FBXL17: variants seen among roughly 807,000 people sequenced by gnomAD.
FBXL17 encodes F-box/LRR-repeat protein 17.
A neutral mutation model predicts 66.2 loss-of-function variants in FBXL17; 22 were observed. That is an observed-to-expected ratio of 0.33 (90% CI 0.24 to 0.47). The LOEUF (loss-of-function observed/expected upper bound fraction) is 0.47, where lower values mean the gene tolerates loss of function less well. Among genes scored for constraint, FBXL17 ranks in the 20% least tolerant of loss-of-function variants. The pLI is 1.00. For missense variants in FBXL17, 878 were observed against 948.2 expected (o/e 0.93, Z 0.97); for synonymous variants, 474 against 400.5 (o/e 1.18, Z -2.19).
At chr5:108,359,098 A>T (rs1006576608) in intron 3 of FBXL17, among the ~76,000 whole-genome samples, 2 of 152,102 alleles carry the variant, frequency 1.3e-5, no homozygotes, top group Non-Finnish European at 2.9e-5. Flanking sequence ...ATTTGTTGGT[A>T]TGCAGTTATT....
intron 7 of FBXL17, among the ~76,000 whole-genome samples, chr5:107,882,879 T>C (rs2112504232): frequency 6.6e-6 from 1 of 152,286 alleles, no homozygotes; most frequent in Non-Finnish European, 1.5e-5. Context: ...GTTGTTTCAT[T>C]GAGGTCTGAG....
chr5:108,119,465 A>G (rs1750389944), intron 6 of FBXL17, among the ~76,000 whole-genome samples: 2 of 152,192 alleles, frequency 1.3e-5, no homozygotes, highest in South Asian at 4.1e-4. Flanking sequence ...AGCCTTGCTC[A>G]GTTGGAAGCA....
chr5:107,900,966 G>C (rs1251948399), intron 7 of FBXL17, among the ~76,000 whole-genome samples: 1 of 152,086 alleles, frequency 6.6e-6, no homozygotes, highest in Non-Finnish European at 1.5e-5. Flanking sequence ...ACCACTGTCT[G>C]CTCATAATGG....
Position 108,364,759 on chromosome 5 carries a change from G to T in FBXL17, c.1353C>A (p.Leu451=), listed in dbSNP as rs1353748288. 4 of 1,611,714 alleles carry T rather than the reference G, an allele frequency of 2.5e-6. No homozygotes were observed. The Admixed American group carries it at 6.7e-5, about 27-fold the overall frequency. The change falls in exon 3 of 9, where the codon CTC becomes CTA. Residue 451 remains leucine (L), a synonymous_variant. Transcript: ENST00000542267. ...TTACCTGCTTGAGTCCTTCATCAGT[G>T]AGTTTGTCCTGGTTGCCTACATGCA... is the stretch of plus-strand genomic sequence containing the variant. ...QKVHVGNQDK[L]TDEGLKQLGS...
chr5:108,060,175 C>CAT (rs35969492), intron 6 of FBXL17, among the ~76,000 whole-genome samples: 1 of 135,202 alleles, frequency 7.4e-6, no homozygotes. Flanking sequence ...CATATGTGTA[C>CAT]ATATATATAT....
chr5:108,211,003 G>A (rs1754346249), intron 5 of FBXL17, among the ~76,000 whole-genome samples: 2 of 152,238 alleles, frequency 1.3e-5, no homozygotes, highest in South Asian at 4.1e-4. Context: ...CCTGTATTGG[G>A]TGCATATATA....
chr5:107,990,855 G>T (rs930698586), intron 7 of FBXL17, among the ~76,000 whole-genome samples: 1 of 152,048 alleles, frequency 6.6e-6, no homozygotes, highest in East Asian at 1.9e-4. Flanking sequence ...CATCTTCTCC[G>T]AGACTGGTAG....
intron 4 of FBXL17, among the ~76,000 whole-genome samples, chr5:108,316,313 T>C (rs1759360971): frequency 6.6e-6 from 1 of 151,470 alleles, no homozygotes; most frequent in Non-Finnish European, 1.5e-5. Flanking sequence ...ATGTGAACTA[T>C]AAACCATTTT....
chr5:108,381,820 G>T lies in FBXL17; in HGVS notation c.-129C>A. On this transcript the variant is annotated 5_prime_UTR_variant, in exon 1 of 9. Transcript: ENST00000542267. ...GGTCGCCCTTCCTGCGCACACACAC[G>T]CACACACGGGCACACACGCGACGGT... is the stretch of plus-strand genomic sequence containing the variant. 1 of 1,303,820 alleles carries T rather than the reference G, an allele frequency of 7.7e-7. No homozygotes were observed. The highest frequency in any genetic ancestry group is 9.7e-7 in the Non-Finnish European group (1 of 1,027,010). 80.8% of individuals were successfully genotyped at this position (1,303,820 alleles called of 1,614,324 possible). A position where few individuals can be genotyped will look rare whatever the true frequency, so the allele number is the denominator to read the frequency against.
intron 6 of FBXL17, among the ~76,000 whole-genome samples, chr5:108,164,914 A>T (rs1434077276): frequency 1.3e-5 from 2 of 152,188 alleles, no homozygotes; most frequent in Admixed American, 1.3e-4. Context: ...ACTTATTCCA[A>T]GTTTTGTCAG....
chr5:108,009,264 TATATATATA>T (rs1754069739), intron 7 of FBXL17, among the ~76,000 whole-genome samples: 6 of 11,118 alleles, frequency 5.4e-4, no homozygotes, highest in African/African-American at 1.7e-3. Context: ...CCCTGTTTTA[TATATATATA>T]TATATATATA....
intron 6 of FBXL17, among the ~76,000 whole-genome samples, chr5:108,103,855 T>G (rs527745260): frequency 1.6e-4 from 24 of 152,292 alleles, no homozygotes; most frequent in Admixed American, 1.2e-3. Context: ...ATTTACCGTT[T>G]CTCTCAGTCC....
chr5:108,181,250 CAG>C (rs1752991543), intron 6 of FBXL17, among the ~76,000 whole-genome samples: 1 of 152,040 alleles, frequency 6.6e-6, no homozygotes, highest in Admixed American at 6.6e-5. Context: ...AACTTAGAAT[CAG>C]GGAGTGGATG....
intron 6 of FBXL17, among the ~76,000 whole-genome samples, chr5:108,139,258 T>C (rs895318256): frequency 6.6e-6 from 1 of 152,204 alleles, no homozygotes; most frequent in African/African-American, 2.4e-5. Context: ...AAACATTACA[T>C]AGAAAACAAG....
chr5:108,354,293 T>C (rs914155904), intron 3 of FBXL17, among the ~76,000 whole-genome samples: 4 of 152,138 alleles, frequency 2.6e-5, no homozygotes, highest in African/African-American at 9.7e-5. Context: ...TTTTTAAAAC[T>C]ACAATTAATA....
chr5:108,311,994 T>C lies in FBXL17; in HGVS notation c.1506+36405A>G, dbSNP rs377673989. Among the ~76,000 whole-genome samples, 5 of 152,286 alleles carry C rather than the reference T, an allele frequency of 3.3e-5. No homozygotes were observed. In the East Asian group the frequency reaches 7.7e-4, roughly 24 times the overall value. ...CCATCTCCTGTAGCTTCAGCTAGCATACAGCTTGATACTCTGTCCAGGTCA... is the reference window on the plus strand; with the variant it reads ...CCATCTCCTGTAGCTTCAGCTAGCACACAGCTTGATACTCTGTCCAGGTCA... On this transcript the variant is annotated intron_variant, in intron 4 of 8. Coordinates refer to ENST00000542267, the MANE Select transcript of FBXL17 (RefSeq NM_001163315.3).
intron 3 of FBXL17, among the ~76,000 whole-genome samples, chr5:108,354,873 TAA>T (rs1248105223): frequency 2.0e-5 from 3 of 152,006 alleles, no homozygotes; most frequent in African/African-American, 7.2e-5. Flanking sequence ...GTGAAATATT[TAA>T]AGTTTCGAGT....
chr5:108,025,999 G>A lies in FBXL17; in HGVS notation c.1746-4998C>T, dbSNP rs188727833. On this transcript the variant is annotated intron_variant, in intron 6 of 8. Transcript: ENST00000542267. ...ATAATCCAATCCCAGTGCAGTAAAC[G>A]AATGGGTATAATTTATAGGTTTACT... 3.0e-3 allele frequency among the ~76,000 whole-genome samples: 461 copies of A among 152,212 alleles called. 2 individuals carry two copies. Among genetic ancestry groups the A allele is most frequent in the African/African-American group, 0.01 (425 of 41,542 alleles).
At chr5:108,008,085 T>C (rs1754008300) in intron 7 of FBXL17, among the ~76,000 whole-genome samples, 1 of 152,146 alleles carries the variant, frequency 6.6e-6, no homozygotes. Flanking sequence ...ATAACAATAA[T>C]ACACTTCACA....
Sources: allele counts gnomAD v4.1 joint callset (sites outside exome capture counted in the v4.1 genomes callset), GRCh38; gene constraint gnomAD v4.1.1; transcripts MANE v1.5; gene names NCBI Gene and HGNC (gene_info 2026-07-23, HGNC 2026-07-21).